The following RGS7 variants were observed in gnomAD, a reference collection of about 807,000 sequenced individuals.
The protein encoded by RGS7 is regulator of G protein signaling 7.
In RGS7, 27 loss-of-function variants were observed where a neutral mutation model predicts 81.1. The observed-to-expected ratio is 0.33, with a 90% CI of 0.25 to 0.46. The LOEUF (loss-of-function observed/expected upper bound fraction) is 0.46, where lower values mean the gene tolerates loss of function less well. Among genes scored for constraint, RGS7 ranks in the 20% least tolerant of loss-of-function variants. The pLI, the probability that RGS7 is intolerant of heterozygous loss-of-function variation, is 1.00. For synonymous variants in RGS7, 208 were observed against 207.7 expected (o/e 1.00, Z -0.01); for missense variants, 396 against 607.4 (o/e 0.65, Z 3.66).
intron 9 of RGS7, among the ~76,000 whole-genome samples, chr1:240,862,891 C>CT (rs977989862): frequency 2.7e-5 from 4 of 150,130 alleles, no homozygotes; most frequent in Non-Finnish European, 4.4e-5. Flanking sequence ...TTTCTTATCT[C>CT]TTTTTTTTTA....
At chr1:240,919,054 A>C (rs1419038870) in intron 6 of RGS7, among the ~76,000 whole-genome samples, 2 of 152,182 alleles carry the variant, frequency 1.3e-5, no homozygotes, top group African/African-American at 4.8e-5. Flanking sequence ...GATAATCTAA[A>C]TAGGCTTATA....
At chr1:241,296,679 C>T (rs1451550015) in intron 2 of RGS7, among the ~76,000 whole-genome samples, 3 of 152,218 alleles carry the variant, frequency 2.0e-5, no homozygotes, top group East Asian at 3.9e-4. Context: ...TTTAACTCTG[C>T]CCAGCACTAA....
intron 2 of RGS7, among the ~76,000 whole-genome samples, chr1:241,105,664 G>A (rs145086944): frequency 3.5e-3 from 529 of 152,160 alleles, no homozygotes; most frequent in Non-Finnish European, 5.8e-3. Flanking sequence ...TATATTTGCC[G>A]GAACTTTACC....
rs1314535504 is a variant in RGS7 at position 240,775,966 on chromosome 1, A to C, written c.*254T>G. Reference sequence around the variant, plus strand: ...GATCCAGCATAGTAGAAGGAGAAAGAAAGCAGACAACAGTTTGGAATGGAG... The same window carrying C: ...GATCCAGCATAGTAGAAGGAGAAAGCAAGCAGACAACAGTTTGGAATGGAG... On this transcript the variant is annotated 3_prime_UTR_variant, in exon 19 of 19. Coordinates refer to ENST00000440928, the MANE Select transcript of RGS7 (RefSeq NM_001364886.1). 1 of 603,626 alleles carries C rather than the reference A, an allele frequency of 1.7e-6. No individual in the cohort carries two copies. The highest frequency in any genetic ancestry group is 1.9e-5 in the African/African-American group (1 of 53,868). The allele number at this position is 603,626 out of a possible 1,614,324, so 37.4% of individuals were successfully genotyped here. A position where few individuals can be genotyped will look rare whatever the true frequency, so the allele number is the denominator to read the frequency against.
In RGS7 at chr1:240,870,146, C is replaced by G. The variant is rs371756323; in HGVS notation, c.386-27G>C. 122 of 1,605,014 alleles carry G rather than the reference C, an allele frequency of 7.6e-5. No homozygotes were observed. The Middle Eastern group carries it at 3.0e-3, about 39-fold the overall frequency. On this transcript the variant is annotated intron_variant, in intron 6 of 18. Coordinates refer to ENST00000440928, the MANE Select transcript of RGS7 (RefSeq NM_001364886.1). ...TGAAAAAAAAATCAATCATTTCTTG[C>G]CTGCTTATCAACACCATGGCACTAT...
intron 3 of RGS7, among the ~76,000 whole-genome samples, chr1:240,993,475 A>G (rs1686823285): frequency 6.6e-6 from 1 of 152,086 alleles, no homozygotes; most frequent in Non-Finnish European, 1.5e-5. Flanking sequence ...GGTATTGAAC[A>G]TGTTTTCATA....
chr1:241,152,346 T>C (rs1266558414), intron 2 of RGS7, among the ~76,000 whole-genome samples: 1 of 152,196 alleles, frequency 6.6e-6, no homozygotes, highest in Admixed American at 6.5e-5. Flanking sequence ...AGTAGGAAAA[T>C]GCAGATAGTG....
At chr1:241,251,545 G>A (rs1316791250) in intron 2 of RGS7, among the ~76,000 whole-genome samples, 3 of 150,318 alleles carry the variant, frequency 2.0e-5, no homozygotes, top group South Asian at 4.2e-4. Flanking sequence ...AGTCCTGCTC[G>A]ATTGCCCAGG....
chr1:241,326,282 A>G (rs1479585573), intron 2 of RGS7, among the ~76,000 whole-genome samples: 2 of 152,206 alleles, frequency 1.3e-5, no homozygotes, highest in East Asian at 3.9e-4. Context: ...AAGGATGACC[A>G]CTGTTAACCT....
chr1:241,109,546 T>C (rs568414024), intron 2 of RGS7, among the ~76,000 whole-genome samples: 61 of 152,330 alleles, frequency 4.0e-4, no homozygotes, highest in African/African-American at 1.4e-3. Context: ...ATCTGTGGCA[T>C]GGTCCATGAG....
At chr1:241,030,373 T>TATATATATATATATATATATATACAC (rs374223475) in intron 3 of RGS7, among the ~76,000 whole-genome samples, 28 of 135,174 alleles carry the variant, frequency 2.1e-4, no homozygotes, top group African/African-American at 4.5e-4. Flanking sequence ...TATATATATA[T>TATATATATATATATATATATATACAC]ACATACACAC....
chr1:241,010,787 C>A (rs1265494125), intron 3 of RGS7, among the ~76,000 whole-genome samples: 1 of 152,140 alleles, frequency 6.6e-6, no homozygotes, highest in Non-Finnish European at 1.5e-5. Context: ...GGAATCACAG[C>A]ACCTACAATG....
chr1:240,875,457 G>A (rs147725880), intron 6 of RGS7, among the ~76,000 whole-genome samples: 243 of 152,278 alleles, frequency 1.6e-3, no homozygotes, highest in African/African-American at 5.4e-3. Flanking sequence ...GGTTGATTCT[G>A]TATCTTGGCT....
intron 15 of RGS7, among the ~76,000 whole-genome samples, chr1:240,803,867 T>C (rs1279683635): frequency 6.6e-6 from 1 of 152,010 alleles, no homozygotes; most frequent in Non-Finnish European, 1.5e-5. Flanking sequence ...CTTTTTTTTT[T>C]TCTTGAAGAA....
At chr1:241,154,014 T>G (rs373343255) in intron 2 of RGS7, among the ~76,000 whole-genome samples, 28 of 152,344 alleles carry the variant, frequency 1.8e-4, no homozygotes, top group East Asian at 5.8e-4. Flanking sequence ...ATGGTCAGTG[T>G]AAATCCTGTG....
chr1:241,162,475 CA>C (rs2069804126), intron 2 of RGS7, among the ~76,000 whole-genome samples: 1 of 152,168 alleles, frequency 6.6e-6, no homozygotes, highest in African/African-American at 2.4e-5. Flanking sequence ...AATGCAAGCC[CA>C]AAAACCCTGC....
At chr1:240,878,754 A>C (rs140778708) in intron 6 of RGS7, among the ~76,000 whole-genome samples, 1 of 151,982 alleles carries the variant, frequency 6.6e-6, no homozygotes, top group Admixed American at 6.6e-5. Flanking sequence ...TCAACAGTAC[A>C]TGGTCTGCAA....
chr1:241,070,890 AAT>A (rs2062401981), intron 3 of RGS7, among the ~76,000 whole-genome samples: 1 of 152,176 alleles, frequency 6.6e-6, no homozygotes, highest in African/African-American at 2.4e-5. Context: ...TGGGCATAAA[AAT>A]ATGTCCATTG....
intron 3 of RGS7, among the ~76,000 whole-genome samples, chr1:241,088,421 C>T (rs1297308999): frequency 6.6e-6 from 1 of 152,198 alleles, no homozygotes; most frequent in South Asian, 2.1e-4. Context: ...GGGCTCTCCA[C>T]CTTTCCCTTT....
Sources: allele counts gnomAD v4.1 joint callset (sites outside exome capture counted in the v4.1 genomes callset), GRCh38; gene constraint gnomAD v4.1.1; transcripts MANE v1.5; gene names NCBI Gene and HGNC (gene_info 2026-07-23, HGNC 2026-07-21).